ZNF726: variants seen among roughly 807,000 people sequenced by gnomAD.
ZNF726 encodes the protein zinc finger protein 726.
In ZNF726, 15 loss-of-function variants were observed where a neutral mutation model predicts 11.6. The observed-to-expected ratio is 1.29, with a 90% CI of 0.86 to 1.99. The LOEUF (loss-of-function observed/expected upper bound fraction) is 1.99. Among genes scored for constraint, ZNF726 ranks in the 30% most tolerant of loss-of-function variants. ZNF726 has a pLI of 0.00. For synonymous variants in ZNF726, 295 were observed against 243.6 expected, an observed-to-expected ratio of 1.21 and a Z score of -1.96; for missense variants, 890 against 725.6, an observed-to-expected ratio of 1.23 and a Z score of -2.60.
chr19:23,937,098 C>A (rs1320312427), downstream of ZNF726, among the ~76,000 whole-genome samples: 61 of 149,802 alleles, frequency 4.1e-4, no homozygotes, highest in Non-Finnish European at 7.9e-4. Context: ...TGACCCCCCC[C>A]ACCTCCCTCC....
In ZNF726 at chr19:23,933,283, G is replaced by A. The variant is rs546525213; in HGVS notation, c.1167G>A (p.Arg389=). 1 of 1,611,736 alleles carries A rather than the reference G, an allele frequency of 6.2e-7. No individual in the cohort carries two copies. The change falls in exon 4 of 4, where the codon AGG becomes AGA. Residue 389 remains arginine, a synonymous_variant. Coordinates refer to ENST00000594466, the MANE Select transcript of ZNF726 (RefSeq NM_001244038.2). ...CCTCAACCCTAACTAAACATAAGAG[G>A]ATTCACACTGGAGAGAAACCCTACA... The part of the protein sequence containing the change: ...IWPSTLTKHK[R]IHTGEKPYKC...
intron 1 of ZNF726, chr19:23,919,148 T>G (rs577237799): frequency 4.0e-6 from 2 of 498,406 alleles, no homozygotes; most frequent in Non-Finnish European, 6.4e-6. Context: ...TTCAGAAAAG[T>G]ATCATATATA....
intron 3 of ZNF726, among the ~76,000 whole-genome samples, chr19:23,922,028 C>A (rs978159303): frequency 1.3e-5 from 2 of 152,076 alleles, no homozygotes; most frequent in African/African-American, 4.8e-5. Flanking sequence ...TTCGTTGTAC[C>A]CCCAGGGTGA....
intron 1 of ZNF726, among the ~76,000 whole-genome samples, chr19:23,917,658 TTTTG>T (rs1254285158): frequency 2.6e-5 from 4 of 152,198 alleles, no homozygotes; most frequent in Non-Finnish European, 2.9e-5. Flanking sequence ...CTGTATCCTT[TTTTG>T]TTTGTTTACT....
At chr19:23,942,722 T>A (rs1968358335) in intron 3 of ZNF726, among the ~76,000 whole-genome samples, 1 of 152,228 alleles carries the variant, frequency 6.6e-6, no homozygotes, top group South Asian at 2.1e-4. Context: ...TGTCCATCTT[T>A]GTCTCTTTTA....
chr19:23,919,581 T>C, intron 2 of ZNF726, 82 bp downstream of exon 2: 1 of 1,445,028 alleles, frequency 6.9e-7, no homozygotes, highest in Non-Finnish European at 9.2e-7. Flanking sequence ...TGGTAATTTA[T>C]GCTTTCCTAT....
At chr19:23,916,331 T>A (rs1399316266) in intron 1 of ZNF726, among the ~76,000 whole-genome samples, 1 of 152,192 alleles carries the variant, frequency 6.6e-6, no homozygotes, top group Non-Finnish European at 1.5e-5. Context: ...TCTTTTTTTT[T>A]TTTTAAAAGT....
intron 3 of ZNF726, among the ~76,000 whole-genome samples, chr19:23,941,888 G>T (rs1382995294): frequency 6.6e-6 from 1 of 151,902 alleles, no homozygotes; most frequent in Non-Finnish European, 1.5e-5. Context: ...CTTGCTAATG[G>T]CCTATCAATT....
chr19:23,915,032 A>T, intron 1 of ZNF726, 35 bp downstream of exon 1: 1 of 1,613,702 alleles, frequency 6.2e-7, no homozygotes, highest in Non-Finnish European at 8.5e-7. Flanking sequence ...CAAGAGAGGG[A>T]ACGGGGCTGG....
downstream of ZNF726, chr19:23,935,447 T>G (rs1428954969): frequency 1.9e-6 from 1 of 515,542 alleles, no homozygotes; most frequent in Non-Finnish European, 3.9e-6. Context: ...TAACTCATAT[T>G]GGAGAGAAAT....
At chr19:23,930,041 G>A (rs112598368) in intron 3 of ZNF726, among the ~76,000 whole-genome samples, 1,743 of 152,214 alleles carry the variant, frequency 0.011, 14 homozygotes, top group Non-Finnish European at 0.017. Flanking sequence ...TGTTCTGATA[G>A]CCTTGGCCTC....
intron 3 of ZNF726, among the ~76,000 whole-genome samples, chr19:23,929,556 A>G (rs1180640275): frequency 6.6e-6 from 1 of 152,286 alleles, no homozygotes; most frequent in East Asian, 1.9e-4. Context: ...CCATGATTCA[A>G]TTACCTTCCA....
intron 4 of ZNF726, chr19:23,944,036 C>T: frequency 6.6e-6 from 1 of 152,370 alleles, no homozygotes; most frequent in East Asian, 1.9e-4. Flanking sequence ...TTACTTATTT[C>T]TCTATTTTCT....
At chr19:23,943,050 C>A (rs1029754888) in intron 3 of ZNF726, among the ~76,000 whole-genome samples, 1 of 152,022 alleles carries the variant, frequency 6.6e-6, no homozygotes, top group Admixed American at 6.5e-5. Context: ...GGAATGGAGT[C>A]GTGCTCTGTC....
intron 4 of ZNF726, chr19:23,943,786 T>G (rs1001572523): frequency 2.5e-6 from 1 of 394,182 alleles, no homozygotes; most frequent in Non-Finnish European, 4.6e-6. Flanking sequence ...CTCTACTTCC[T>G]ATTTAGTGAT....
At chr19:23,942,603 T>A (rs912677174) in intron 3 of ZNF726, among the ~76,000 whole-genome samples, 2 of 152,166 alleles carry the variant, frequency 1.3e-5, no homozygotes, top group African/African-American at 4.8e-5. Context: ...TCTCATTTCT[T>A]AGGTCTATTA....
At position 23,933,932 on chromosome 19, in the gene ZNF726, T is replaced by C; in HGVS notation, c.1816T>C (p.Ser606Pro). ...ATGTGGCAAATCATTTATCTGGTCCTCAACCCTTTTTAAGCATAAGAGGAT... is the reference window on the plus strand; with the variant it reads ...ATGTGGCAAATCATTTATCTGGTCCCCAACCCTTTTTAAGCATAAGAGGAT... ...DECGKSFIWS[S>P]TLFKHKRIHT Residue 606 changes from serine (S) to proline (P), a missense_variant, in exon 4 of 4, where the codon TCA becomes CCA. By Grantham distance (74) the Ser-to-Pro change is moderately conservative (BLOSUM62 -1). Transcript: ENST00000594466. 1.3e-6 allele frequency: 2 copies of C among 1,582,834 alleles called. No homozygotes were observed. The highest frequency in any genetic ancestry group is 1.7e-6 in the Non-Finnish European group (2 of 1,164,084).
intron 3 of ZNF726, chr19:23,927,848 A>G (rs1422987456): frequency 6.6e-6 from 1 of 152,136 alleles, no homozygotes; most frequent in East Asian, 1.9e-4. Flanking sequence ...AAATAAGAAT[A>G]TTGTGTATTT....
At position 23,933,948 on chromosome 19, in the gene ZNF726, A is replaced by G. The variant is rs534116402; in HGVS notation, c.1832A>G (p.His611Arg). ...ATCTGGTCCTCAACCCTTTTTAAGC[A>G]TAAGAGGATTCATACTTGAGAGAAA... ...SFIWSSTLFK[H>R]KRIHT The change falls in exon 4 of 4, where the codon CAT becomes CGT. Residue 611 changes from histidine to arginine, a missense_variant. Transcript: ENST00000594466. 11 of 1,579,600 alleles carry G rather than the reference A, an allele frequency of 7.0e-6. No homozygotes were observed. Among genetic ancestry groups the G allele is most frequent in the Middle Eastern group, 1.7e-4 (1 of 6,024 alleles).
Sources: allele counts gnomAD v4.1 joint callset (sites outside exome capture counted in the v4.1 genomes callset), GRCh38; gene constraint gnomAD v4.1.1; transcripts MANE v1.5; gene names NCBI Gene and HGNC (gene_info 2026-07-23, HGNC 2026-07-21).